Variants in TG observed in about 807,000 individuals in gnomAD.
The protein encoded by TG is thyroglobulin.
Under a neutral mutation model 324.7 loss-of-function variants are expected in TG, and 270 were observed. That is an observed-to-expected ratio of 0.83 (90% CI 0.75 to 0.92). The LOEUF is 0.92. Ranked by LOEUF, TG falls within the 40% of genes least tolerant of loss-of-function variation. TG has a pLI of 0.00. For synonymous variants in TG, 1,401 were observed against 1,327.0 expected, an observed-to-expected ratio of 1.06 and a Z score of -1.21; for missense variants, 3,591 against 3,456.4, an observed-to-expected ratio of 1.04 and a Z score of -0.98.
At position 132,873,143 on chromosome 8, in the gene TG, G is replaced by A. The variant is rs1297888870; in HGVS notation, c.560G>A (p.Gly187Glu). The change falls in exon 5 of 48, where the codon GGA becomes GAA. Residue 187 changes from glycine to glutamate, a missense_variant. Transcript: ENST00000220616. ...TCACCACCCCAGTGTTCTGCGGAGG[G>A]AGAGTTTATGCCTGTCCAGTGCAAA... ...DKSPPQCSAE[G>E]EFMPVQCKFV... The A allele has an allele frequency of 6.2e-7, 1 of 1,614,178 alleles. No individual in the cohort carries two copies. Among genetic ancestry groups the A allele is most frequent in the Admixed American group, 1.7e-5 (1 of 60,020 alleles).
At chr8:132,985,319 C>T (rs1191613644) in intron 35 of TG, among the ~76,000 whole-genome samples, 1 of 152,132 alleles carries the variant, frequency 6.6e-6, no homozygotes, top group Non-Finnish European at 1.5e-5. Context: ...GCAAATGCCA[C>T]ACCATTTTGT....
chr8:132,932,919 A>G (rs1822929211), intron 23 of TG, among the ~76,000 whole-genome samples: 1 of 152,236 alleles, frequency 6.6e-6, no homozygotes, highest in Admixed American at 6.5e-5. Flanking sequence ...AATGTATAAA[A>G]GGTTTAATTT....
intron 40 of TG, among the ~76,000 whole-genome samples, chr8:133,028,546 T>G (rs1400910365): frequency 6.6e-6 from 1 of 152,226 alleles, no homozygotes; most frequent in Non-Finnish European, 1.5e-5. Flanking sequence ...TCTTCCATAG[T>G]GCTTTATGAC....
chr8:133,134,646 G>A (rs1388053122), intron 47 of TG, 30 bp from the exon 48 acceptor site: 5 of 1,599,640 alleles, frequency 3.1e-6, no homozygotes, highest in Non-Finnish European at 4.3e-6. Flanking sequence ...AATCTGGCTT[G>A]GACCAACCTT....
At chr8:132,922,761 G>A (rs860472) in intron 21 of TG, among the ~76,000 whole-genome samples, 151,565 of 152,332 alleles carry the variant, frequency 0.99, 75,403 homozygotes, top group East Asian at 1. Context: ...CACATGCTGG[G>A]AGGAACAAAT....
At chr8:132,881,404 G>C (rs1814622162) in intron 5 of TG, among the ~76,000 whole-genome samples, 2 of 151,974 alleles carry the variant, frequency 1.3e-5, no homozygotes, top group Admixed American at 6.5e-5. Flanking sequence ...TCAAGCTTTT[G>C]AAAAGTCGTA....
chr8:132,994,653 T>A (rs1374819600), intron 35 of TG: 3 of 1,281,758 alleles, frequency 2.3e-6, no homozygotes, highest in Non-Finnish European at 3.0e-6. Context: ...TGTGCTGAAT[T>A]CCCTGACCTC....
intron 31 of TG, among the ~76,000 whole-genome samples, chr8:132,969,193 T>C (rs1473528636): frequency 6.6e-6 from 1 of 152,190 alleles, no homozygotes; most frequent in East Asian, 1.9e-4. Context: ...GTTTTCTTGG[T>C]CTGTTAGGCC....
At chr8:132,950,489 A>C (rs1478690260) in intron 27 of TG, among the ~76,000 whole-genome samples, 1 of 152,196 alleles carries the variant, frequency 6.6e-6, no homozygotes, top group Admixed American at 6.5e-5. Flanking sequence ...TCAGGGTTCC[A>C]ATGGCAGAGC....
intron 43 of TG, among the ~76,000 whole-genome samples, chr8:133,110,019 C>T (rs538655591): frequency 6.6e-5 from 10 of 152,246 alleles, no homozygotes; most frequent in East Asian, 3.9e-4. Flanking sequence ...TGCCAGATAG[C>T]GGGTGCTGGG....
intron 25 of TG, among the ~76,000 whole-genome samples, chr8:132,939,511 G>A (rs1824108228): frequency 6.6e-6 from 1 of 152,210 alleles, no homozygotes; most frequent in Non-Finnish European, 1.5e-5. Flanking sequence ...CTTTGGTGAA[G>A]AGTGGATTTG....
At chr8:132,920,653 T>C (rs546526696) in intron 21 of TG, among the ~76,000 whole-genome samples, 3 of 152,324 alleles carry the variant, frequency 2.0e-5, no homozygotes, top group African/African-American at 7.2e-5. Flanking sequence ...AGAAGATTAA[T>C]GTAGTGTGCT....
Position 132,911,361 on chromosome 8 carries a change from G to T in TG, c.4003-16G>T. The stretch of plus-strand genomic sequence containing the variant: ...TACTCTGTGTTCTTGAGCTGAAAGT[G>T]TCTGTCTTCTTGTAGGTGAAGACTT... On this transcript the variant is annotated splice_polypyrimidine_tract_variant and intron_variant, in intron 18 of 47. Coordinates refer to ENST00000220616, the MANE Select transcript of TG (RefSeq NM_003235.5). The T allele has an allele frequency of 6.2e-7, 1 of 1,614,178 alleles. No homozygotes were observed. Among genetic ancestry groups the T allele is most frequent in the Non-Finnish European group, 8.5e-7 (1 of 1,180,030 alleles).
intron 43 of TG, among the ~76,000 whole-genome samples, chr8:133,111,346 A>G (rs1463167866): frequency 1.3e-5 from 2 of 152,246 alleles, no homozygotes; most frequent in African/African-American, 4.8e-5. Flanking sequence ...AAATGGGATA[A>G]CATCGTGCCC....
chr8:133,066,030 G>C (rs113964084), intron 41 of TG, among the ~76,000 whole-genome samples: 1 of 152,048 alleles, frequency 6.6e-6, no homozygotes, highest in African/African-American at 2.4e-5. Flanking sequence ...GGAGTGAATC[G>C]CAAGGAATGT....
At chr8:132,964,935 T>C (rs1196179049) in intron 29 of TG, 1 of 702,108 alleles carries the variant, frequency 1.4e-6, no homozygotes, top group Non-Finnish European at 2.6e-6. Context: ...TGCTCCCAGG[T>C]ATACCTGAGA....
At chr8:132,903,598 A>G (rs1371350618) in intron 16 of TG, among the ~76,000 whole-genome samples, 2 of 152,224 alleles carry the variant, frequency 1.3e-5, no homozygotes, top group East Asian at 1.9e-4. Context: ...AACACCATTC[A>G]TTTAAACACA....
At chr8:132,933,528 G>T in intron 23 of TG, 33 bp from the exon 24 acceptor site, 1 of 1,604,126 alleles carries the variant, frequency 6.2e-7, no homozygotes, top group Non-Finnish European at 8.5e-7. Flanking sequence ...CCCCGGGAAA[G>T]CCAGGTGAGT....
At chr8:132,963,489 T>C (rs1481404014) in intron 29 of TG, among the ~76,000 whole-genome samples, 4 of 152,088 alleles carry the variant, frequency 2.6e-5, no homozygotes, top group African/African-American at 9.7e-5. Flanking sequence ...TGGCATACAG[T>C]GAAAGCTGTG....
Sources: allele counts gnomAD v4.1 joint callset (sites outside exome capture counted in the v4.1 genomes callset), GRCh38; gene constraint gnomAD v4.1.1; transcripts MANE v1.5; gene names NCBI Gene and HGNC (gene_info 2026-07-23, HGNC 2026-07-21).